The following CSGALNACT1 variants were observed in gnomAD, a reference collection of about 807,000 sequenced individuals.
The protein encoded by CSGALNACT1 is beta4GalNAcT-1.
Under a neutral mutation model 51.0 loss-of-function variants are expected in CSGALNACT1, and 52 were observed. The ratio of observed to expected loss-of-function variants is 1.02; its 90% CI spans 0.82 to 1.29. The LOEUF (loss-of-function observed/expected upper bound fraction) is 1.29. Among genes scored for constraint, CSGALNACT1 ranks in the 50% most tolerant of loss-of-function variants. The pLI, the probability that CSGALNACT1 is intolerant of heterozygous loss-of-function variation, is 0.00. For synonymous variants in CSGALNACT1, 341 were observed against 254.4 expected (o/e 1.34, Z -3.24); for missense variants, 935 against 679.2 (o/e 1.38, Z -4.19).
intron 1 of CSGALNACT1, among the ~76,000 whole-genome samples, chr8:19,727,267 T>A (rs1423751874): frequency 6.6e-6 from 1 of 152,224 alleles, no homozygotes; most frequent in Non-Finnish European, 1.5e-5. Flanking sequence ...TCCCTTTAAC[T>A]ATTTTCTTTA....
At chr8:19,592,278 A>G (rs2047981788) in intron 2 of CSGALNACT1, among the ~76,000 whole-genome samples, 1 of 152,218 alleles carries the variant, frequency 6.6e-6, no homozygotes, top group African/African-American at 2.4e-5. Context: ...AAGTTTACTG[A>G]TGCTGATACT....
intron 4 of CSGALNACT1, among the ~76,000 whole-genome samples, chr8:19,488,370 C>CATATATATATATATAT (rs56988602): frequency 1.7e-5 from 2 of 114,470 alleles, no homozygotes; most frequent in African/African-American, 3.1e-5. Context: ...TTTATATATA[C>CATATATATATATATAT]ATATATATAT....
chr8:19,428,822 G>GATAT (rs201258166), intron 6 of CSGALNACT1, among the ~76,000 whole-genome samples: 1 of 59,966 alleles, frequency 1.7e-5, no homozygotes, highest in African/African-American at 4.7e-5. Context: ...CATAAGACAT[G>GATAT]ATATGTGTGT....
In CSGALNACT1 at chr8:19,475,470, A is replaced by G. The variant is rs111408089; in HGVS notation, c.635-16828T>C. ...AGCTGTACAAAAGTATGTTCCAATC[A>G]CCATAAAGTTTTGAAGGAAAGCCCC... On this transcript the variant is annotated intron_variant, in intron 4 of 9. Transcript: ENST00000454498. 5.5e-3 allele frequency among the ~76,000 whole-genome samples: 844 copies of G among 152,244 alleles called. 12 individuals are homozygous for G. Among genetic ancestry groups the G allele is most frequent in the African/African-American group, 0.019 (798 of 41,524 alleles).
chr8:19,751,788 G>C (rs1355553919), intron 1 of CSGALNACT1, among the ~76,000 whole-genome samples: 1 of 152,004 alleles, frequency 6.6e-6, no homozygotes, highest in African/African-American at 2.4e-5. Flanking sequence ...TCTCTCTCCT[G>C]TTGCCATGTG....
At chr8:19,418,094 C>A (rs2057241325) in intron 8 of CSGALNACT1, among the ~76,000 whole-genome samples, 1 of 152,146 alleles carries the variant, frequency 6.6e-6, no homozygotes, top group Non-Finnish European at 1.5e-5. Flanking sequence ...TTGCCAGTGA[C>A]ACCTTTAATG....
intron 4 of CSGALNACT1, among the ~76,000 whole-genome samples, chr8:19,461,335 A>T (rs2065306289): frequency 6.6e-6 from 1 of 152,216 alleles, no homozygotes; most frequent in South Asian, 2.1e-4. Context: ...GCTGTCTGGG[A>T]TCACAAGGTG....
intron 6 of CSGALNACT1, among the ~76,000 whole-genome samples, chr8:19,436,174 T>G (rs187475500): frequency 2.6e-5 from 4 of 152,226 alleles, no homozygotes; most frequent in Non-Finnish European, 5.9e-5. Flanking sequence ...TAAAAAGATA[T>G]TAAAGTACAT....
upstream of CSGALNACT1, among the ~76,000 whole-genome samples, chr8:19,607,276 A>G (rs2051525257): frequency 1.3e-5 from 2 of 152,244 alleles, no homozygotes; most frequent in African/African-American, 2.4e-5. Flanking sequence ...AGTGATTCCC[A>G]TCACAAGCTA....
intron 3 of CSGALNACT1, among the ~76,000 whole-genome samples, chr8:19,524,760 T>G (rs1300192572): frequency 6.6e-6 from 1 of 152,172 alleles, no homozygotes; most frequent in Non-Finnish European, 1.5e-5. Context: ...GACCATTGAT[T>G]GCCTAAGCCC....
At chr8:19,559,653 T>C (rs2040257488) in intron 3 of CSGALNACT1, among the ~76,000 whole-genome samples, 1 of 152,100 alleles carries the variant, frequency 6.6e-6, no homozygotes. Context: ...TTTCTATGTA[T>C]ATAAAAGCAA....
chr8:19,728,415 A>G (rs1227009756), intron 1 of CSGALNACT1, among the ~76,000 whole-genome samples: 1 of 152,182 alleles, frequency 6.6e-6, no homozygotes, highest in African/African-American at 2.4e-5. Flanking sequence ...GAAATTATTA[A>G]TGCTACATAC....
chr8:19,505,548 C>G (rs1346187509), exon 4 of CSGALNACT1: 1 of 1,613,928 alleles, frequency 6.2e-7, no homozygotes, highest in South Asian at 1.1e-5. Flanking sequence ...TTGGTACTGC[C>G]CATTCCTGAG....
chr8:19,595,376 A>G (rs1344141481), intron 2 of CSGALNACT1, among the ~76,000 whole-genome samples: 1 of 152,240 alleles, frequency 6.6e-6, no homozygotes, highest in Non-Finnish European at 1.5e-5. Context: ...ACCACAAAGC[A>G]CATTTAAAGT....
intron 1 of CSGALNACT1, among the ~76,000 whole-genome samples, chr8:19,649,842 A>AAAAAAAAAAAAAAAAC: frequency 6.7e-6 from 1 of 148,950 alleles, no homozygotes; most frequent in Non-Finnish European, 1.5e-5. Context: ...AAAAAAAAAA[A>AAAAAAAAAAAAAAAAC]AAACCACGGG....
rs12682614 is a variant in CSGALNACT1 at position 19,520,700 on chromosome 8, T to C, written c.-296-14570A>G. Among the ~76,000 whole-genome samples, 25 of 152,358 alleles carry C rather than the reference T, an allele frequency of 1.6e-4. No homozygotes were observed. The East Asian group carries it at 4.8e-3, about 29-fold the overall frequency. On this transcript the variant is annotated intron_variant, in intron 3 of 9. Transcript: ENST00000454498. ...CTAATATGTTCCCTCTGCATCAGTC[T>C]TAAAACTTTCCATTCTCTTTCAGTA...
At chr8:19,528,284 A>G (rs2082095298) in intron 3 of CSGALNACT1, among the ~76,000 whole-genome samples, 1 of 152,078 alleles carries the variant, frequency 6.6e-6, no homozygotes, top group African/African-American at 2.4e-5. Context: ...AAAAAGAAAA[A>G]AAAAAAGCAA....
At chr8:19,568,741 T>A (rs2042395407) in intron 3 of CSGALNACT1, among the ~76,000 whole-genome samples, 1 of 152,218 alleles carries the variant, frequency 6.6e-6, no homozygotes, top group Non-Finnish European at 1.5e-5. Context: ...ATGGTGCCAA[T>A]ACAACCTCGC....
intron 1 of CSGALNACT1, among the ~76,000 whole-genome samples, chr8:19,624,465 A>C (rs987374281): frequency 6.6e-6 from 1 of 152,228 alleles, no homozygotes; most frequent in Non-Finnish European, 1.5e-5. Flanking sequence ...GATAATTTTA[A>C]GTGTTTAAAA....
Sources: allele counts gnomAD v4.1 joint callset (sites outside exome capture counted in the v4.1 genomes callset), GRCh38; gene constraint gnomAD v4.1.1; transcripts MANE v1.5; gene names NCBI Gene and HGNC (gene_info 2026-07-23, HGNC 2026-07-21).